The following ACACB variants were observed in gnomAD, a reference collection of about 807,000 sequenced individuals.
ACACB encodes acetyl-CoA carboxylase beta.
A neutral mutation model predicts 278.8 loss-of-function variants in ACACB; 209 were observed. That is an observed-to-expected ratio of 0.75 (90% CI 0.67 to 0.84). The LOEUF (loss-of-function observed/expected upper bound fraction) is 0.84, where lower values mean the gene tolerates loss of function less well. Among genes scored for constraint, ACACB ranks in the 40% least tolerant of loss-of-function variants. ACACB has a pLI of 0.00. For missense variants in ACACB, 2,850 were observed against 3,269.0 expected, an observed-to-expected ratio of 0.87 and a Z score of 3.13; for synonymous variants, 1,174 against 1,285.6, an observed-to-expected ratio of 0.91 and a Z score of 1.86.
chr12:109,197,258 G>A, intron 17 of ACACB, 105 bp downstream of exon 17: 1 of 1,422,962 alleles, frequency 7.0e-7, no homozygotes, highest in Non-Finnish European at 9.4e-7. Flanking sequence ...GGGTCTTAGA[G>A]AAGGTGCCTT....
intron 28 of ACACB, among the ~76,000 whole-genome samples, chr12:109,231,707 G>A (rs1292789068): frequency 6.6e-6 from 1 of 152,210 alleles, no homozygotes; most frequent in Non-Finnish European, 1.5e-5. Context: ...GCATCAGGGT[G>A]AAGTCCAGAG....
chr12:109,255,832 T>C (rs941243805), intron 44 of ACACB, among the ~76,000 whole-genome samples: 1 of 152,194 alleles, frequency 6.6e-6, no homozygotes, highest in Non-Finnish European at 1.5e-5. Flanking sequence ...CTCTGCATCT[T>C]AGGAAGAGAA....
intron 15 of ACACB, among the ~76,000 whole-genome samples, chr12:109,192,754 T>A (rs189014888): frequency 6.6e-6 from 1 of 152,204 alleles, no homozygotes; most frequent in Admixed American, 6.5e-5. Context: ...CTGGACTTCC[T>A]GGGCTCCAGT....
chr12:109,210,387 GTATATATGTA>G (rs1305728260), intron 21 of ACACB, among the ~76,000 whole-genome samples: 2 of 138,304 alleles, frequency 1.4e-5, no homozygotes, highest in African/African-American at 5.6e-5. Context: ...ACACACATGT[GTATATATGTA>G]TATACACGCA....
At chr12:109,225,222 C>T (rs1593628661) in intron 27 of ACACB, among the ~76,000 whole-genome samples, 2 of 152,146 alleles carry the variant, frequency 1.3e-5, no homozygotes, top group South Asian at 2.1e-4. Flanking sequence ...TGAACTGCTA[C>T]GCTCAAGCGA....
rs2045613574 is a variant in ACACB at position 109,209,338 on chromosome 12, G to A, written c.3234G>A (p.Gln1078=). 1 of 1,610,292 alleles carries A rather than the reference G, an allele frequency of 6.2e-7. No individual in the cohort carries two copies. The highest frequency in any genetic ancestry group is 1.3e-5 in the African/African-American group (1 of 74,868). ...YASNITSVLC[Q]FPSQQIATIL... ...GCAACATCACCTCGGTGCTGTGCCA[G>A]TTCCCCAGCCAGCAGGTGCGTGCTC... The change falls in exon 21 of 53, where the codon CAG becomes CAA. Residue 1078 remains glutamine, a synonymous_variant. Coordinates refer to ENST00000338432, the MANE Select transcript of ACACB (RefSeq NM_001093.4).
At position 109,201,455 on chromosome 12, in the gene ACACB, C is replaced by A. The variant is rs572029947; in HGVS notation, c.2779-112C>A. 40 of 1,273,036 alleles carry A rather than the reference C, an allele frequency of 3.1e-5. No homozygotes were observed. In the South Asian group the frequency reaches 5.6e-4, roughly 18 times the overall value. The allele number at this position is 1,273,036 out of a possible 1,614,324, so 78.9% of individuals were successfully genotyped here. On this transcript the variant is annotated intron_variant, in intron 18 of 52. Coordinates refer to ENST00000338432, the MANE Select transcript of ACACB (RefSeq NM_001093.4). ...AACACTACCCAGGGAGTCATTCTGG[C>A]GCGTCCCTGGGTAGTGTCCCGGCGC...
intron 40 of ACACB, 88 bp downstream of exon 40, chr12:109,247,791 A>G (rs1165684390): frequency 9.1e-7 from 1 of 1,102,368 alleles, no homozygotes; most frequent in East Asian, 2.4e-5. Flanking sequence ...GATATTTTCC[A>G]GTGGGGTGGT....
Position 109,260,581 on chromosome 12 carries a change from C to T in ACACB, c.6598C>T (p.Arg2200Trp), listed in dbSNP as rs766014747. ...CTATATCCCGCCCTATGCGGAGCTC[C>T]GGGGAGGCTCCTGGGTGGTCATAGA... is the stretch of plus-strand genomic sequence containing the variant. ...LIYIPPYAEL[R>W]GGSWVVIDAT... Residue 2200 changes from arginine to tryptophan, a missense_variant, in exon 48 of 53, where the codon CGG (arginine) becomes TGG (tryptophan). Arg to Trp is a moderately radical substitution (Grantham distance 101). This residue lies in a region of ACACB where 579 missense variants were observed against 684.6 expected (regional missense o/e 0.85). Transcript: ENST00000338432. 8.1e-6 allele frequency: 13 copies of T among 1,613,330 alleles called. No individual in the cohort carries two copies. Among genetic ancestry groups the T allele is most frequent in the South Asian group, 1.1e-5 (1 of 90,948 alleles).
chr12:109,113,466 T>G (rs1298896808), upstream of ACACB: 2 of 152,206 alleles, frequency 1.3e-5, no homozygotes, highest in Admixed American at 6.5e-5. Context: ...CACAAGGAAG[T>G]CAGTTATTAG....
At chr12:109,185,048 G>A (rs2044607307) in intron 11 of ACACB, among the ~76,000 whole-genome samples, 1 of 152,144 alleles carries the variant, frequency 6.6e-6, no homozygotes, top group South Asian at 2.1e-4. Context: ...GGATTTCTCT[G>A]ATTGTTTCTT....
chr12:109,176,844 T>C (rs1477937474), intron 9 of ACACB, among the ~76,000 whole-genome samples: 1 of 152,200 alleles, frequency 6.6e-6, no homozygotes, highest in Admixed American at 6.5e-5. Context: ...CTCAAACTCT[T>C]GGCCTTGAGT....
chr12:109,147,136 A>AC (rs1181820541), intron 2 of ACACB, among the ~76,000 whole-genome samples: 5 of 151,904 alleles, frequency 3.3e-5, no homozygotes, highest in Middle Eastern at 3.4e-3. Context: ...TAAAAAATCT[A>AC]CCCCCCAATT....
chr12:109,188,212 TCCTTC>T (rs2044736829), intron 13 of ACACB, 50 bp downstream of exon 13: 2 of 1,406,666 alleles, frequency 1.4e-6, no homozygotes, highest in East Asian at 4.9e-5. Context: ...CTTCCTTCCT[TCCTTC>T]CTTCCTTCCT....
Position 109,241,066 on chromosome 12 carries a change from GT to G in ACACB, c.4819-8del. 6.2e-7 allele frequency: 1 copy of G among 1,612,816 alleles called. No individual in the cohort carries two copies. The highest frequency in any genetic ancestry group is 1.7e-4 in the Middle Eastern group (1 of 5,920). On this transcript the variant is annotated splice_polypyrimidine_tract_variant and intron_variant, in intron 35 of 52. Transcript: ENST00000338432. ...TTGGCCCTGAAACTGGAATTGCTGTGTTTTGGGGCAGATCGAGGAGTCCGTG... is the reference window on the plus strand; with the variant it reads ...TTGGCCCTGAAACTGGAATTGCTGTGTTTGGGGCAGATCGAGGAGTCCGTG...
rs1397191088 is a variant in ACACB at position 109,260,027 on chromosome 12, G to A, written c.6497-453G>A. The A allele has an allele frequency of 3.0e-6, 4 of 1,321,152 alleles. No homozygotes were observed. In the Admixed American group the frequency reaches 7.6e-5, roughly 25 times the overall value. 81.8% of individuals were successfully genotyped at this position (1,321,152 alleles called of 1,614,324 possible). Reference sequence around the variant, plus strand: ...CTAATTGCTGACATGCAGTGTGATTGTCAGTGCTGTTATTATTGCATTCTT... The same window carrying A: ...CTAATTGCTGACATGCAGTGTGATTATCAGTGCTGTTATTATTGCATTCTT... On this transcript the variant is annotated intron_variant, in intron 47 of 52. Coordinates refer to ENST00000338432, the MANE Select transcript of ACACB (RefSeq NM_001093.4).
Position 109,234,356 on chromosome 12 carries a change from T to C in ACACB, c.4347+311T>C, listed in dbSNP as rs534615267. ...GGAGATTTTCTGGGAGTGTTTTTGT[T>C]GGAATAATCCAGAAACTGGCAGTTT... On this transcript the variant is annotated intron_variant, in intron 31 of 52. Transcript: ENST00000338432. Among the ~76,000 whole-genome samples, 6 of 152,284 alleles carry C rather than the reference T, an allele frequency of 3.9e-5. No homozygotes were observed. In the South Asian group the frequency reaches 1.2e-3, roughly 32 times the overall value.
chr12:109,154,212 C>T (rs1203975754), intron 2 of ACACB, among the ~76,000 whole-genome samples: 1 of 152,208 alleles, frequency 6.6e-6, no homozygotes, highest in Non-Finnish European at 1.5e-5. Flanking sequence ...GCTTCAGTAG[C>T]GGACCCAGGT....
intron 27 of ACACB, 119 bp from the exon 28 acceptor site, chr12:109,227,252 C>T: frequency 1.1e-6 from 1 of 921,506 alleles, no homozygotes; most frequent in East Asian, 2.7e-5. Context: ...ACCCGGCCTG[C>T]TTACAGATAG....
Sources: allele counts gnomAD v4.1 joint callset (sites outside exome capture counted in the v4.1 genomes callset), GRCh38; gene constraint gnomAD v4.1.1; regional missense constraint gnomAD v4.1.1; transcripts MANE v1.5; gene names NCBI Gene and HGNC (gene_info 2026-07-23, HGNC 2026-07-21).